The following RB1 variants were observed in gnomAD, a reference collection of about 807,000 sequenced individuals.
RB1 encodes retinoblastoma-associated protein.
In RB1, 18 loss-of-function variants were observed where a neutral mutation model predicts 135.4. That is an observed-to-expected ratio of 0.13 (90% CI 0.09 to 0.20). The LOEUF (loss-of-function observed/expected upper bound fraction) is 0.20. RB1 is among the 10% of genes least tolerant of loss of function. The pLI, the probability that RB1 is intolerant of heterozygous loss-of-function variation, is 1.00. For synonymous variants in RB1, 365 were observed against 373.2 expected (o/e 0.98, Z 0.25); for missense variants, 868 against 1,110.0 (o/e 0.78, Z 3.10).
chr13:48,449,983 T>C (rs991171951), intron 17 of RB1, among the ~76,000 whole-genome samples: 2 of 152,170 alleles, frequency 1.3e-5, no homozygotes, highest in African/African-American at 4.8e-5. Flanking sequence ...TTTTTTCTTG[T>C]AAATTTAAGT....
At chr13:48,445,375 A>C (rs1165153625) in intron 17 of RB1, among the ~76,000 whole-genome samples, 1 of 152,210 alleles carries the variant, frequency 6.6e-6, no homozygotes, top group African/African-American at 2.4e-5. Flanking sequence ...TTCTCTTAGA[A>C]TATTTAAACG....
intron 2 of RB1, chr13:48,318,930 G>A: frequency 4.5e-6 from 5 of 1,102,192 alleles, no homozygotes; most frequent in South Asian, 1.2e-5. Flanking sequence ...CCGTCAGAGC[G>A]GGAAGGCACG....
intron 11 of RB1, among the ~76,000 whole-genome samples, chr13:48,369,598 A>T (rs1489337374): frequency 6.6e-6 from 1 of 151,936 alleles, no homozygotes; most frequent in Non-Finnish European, 1.5e-5. Context: ...TGCCTCTCCA[A>T]CCTCATCTTG....
At chr13:48,444,687 A>G (rs1302199964) in intron 17 of RB1, 1 of 152,332 alleles carries the variant, frequency 6.6e-6, no homozygotes, top group Non-Finnish European at 1.5e-5. Flanking sequence ...TCAGCTATCC[A>G]GAAGCTCTCC....
intron 5 of RB1, 22 bp downstream of exon 5, chr13:48,347,885 AT>A (rs2138091814): frequency 6.4e-7 from 1 of 1,551,726 alleles, no homozygotes; most frequent in Non-Finnish European, 8.9e-7. Context: ...ACAGAATGTT[AT>A]TTTTCACTTA....
At chr13:48,435,785 G>A (rs1169452616) in intron 17 of RB1, among the ~76,000 whole-genome samples, 1 of 152,124 alleles carries the variant, frequency 6.6e-6, no homozygotes, top group Non-Finnish European at 1.5e-5. Flanking sequence ...TGGATGTTCA[G>A]TTGTTTCAGC....
At chr13:48,432,834 A>G (rs1476444199) in intron 17 of RB1, among the ~76,000 whole-genome samples, 3 of 152,308 alleles carry the variant, frequency 2.0e-5, no homozygotes, top group East Asian at 3.9e-4. Context: ...AAAAGCAATT[A>G]TAAGAGACAG....
chr13:48,329,350 A>G (rs547376945), intron 2 of RB1, among the ~76,000 whole-genome samples: 2 of 152,340 alleles, frequency 1.3e-5, no homozygotes, highest in East Asian at 1.9e-4. Context: ...GAAACTGTCT[A>G]CCAAACTTTG....
chr13:48,476,595 A>G, intron 24 of RB1, 106 bp from the exon 25 acceptor site: 1 of 1,181,710 alleles, frequency 8.5e-7, no homozygotes, highest in South Asian at 1.3e-5. Flanking sequence ...AAATGAAGTT[A>G]TTACCTTTGC....
intron 17 of RB1, among the ~76,000 whole-genome samples, chr13:48,395,267 T>G (rs1948638974): frequency 6.6e-6 from 1 of 151,954 alleles, no homozygotes; most frequent in Non-Finnish European, 1.5e-5. Context: ...AGACCAAAGG[T>G]AGATAAATCC....
chr13:48,395,512 A>G (rs1435396450), intron 17 of RB1, among the ~76,000 whole-genome samples: 1 of 152,118 alleles, frequency 6.6e-6, no homozygotes, highest in Admixed American at 6.5e-5. Flanking sequence ...TAACTAGAAT[A>G]ACCAGTTTAG....
intron 23 of RB1, among the ~76,000 whole-genome samples, chr13:48,467,352 A>C (rs1949452869): frequency 7.8e-6 from 1 of 128,706 alleles, no homozygotes; most frequent in South Asian, 3.1e-4. Flanking sequence ...ACAGACAAGC[A>C]AATGCTGAGA....
At chr13:48,402,258 T>C (rs1184021672) in intron 17 of RB1, among the ~76,000 whole-genome samples, 4 of 152,180 alleles carry the variant, frequency 2.6e-5, no homozygotes, top group African/African-American at 9.6e-5. Context: ...TCTGATTTAG[T>C]TGAACCCACA....
Position 48,303,988 on chromosome 13 carries a change from C to T in RB1, c.76C>T (p.Pro26Ser), listed in dbSNP as rs2138027626. 2 of 1,499,010 alleles carry T rather than the reference C, an allele frequency of 1.3e-6. No individual in the cohort carries two copies. The highest frequency in any genetic ancestry group is 1.5e-5 in the African/African-American group (1 of 68,738). The allele number at this position is 1,499,010 out of a possible 1,614,324, so 92.9% of individuals were successfully genotyped here. ...CGCGGAACCCCCGGCACCGCCGCCG[C>T]CGCCCCCTCCTGAGGAGGACCCAGA... is the stretch of plus-strand genomic sequence containing the variant. ...AAAEPPAPPP[P>S]PPPEEDPEQD... is the part of the protein sequence containing the mutation. The change falls in exon 1 of 27, where the codon CCG (proline) becomes TCG (serine). Residue 26 changes from proline to serine, a missense_variant. Transcript: ENST00000267163.
intron 11 of RB1, among the ~76,000 whole-genome samples, chr13:48,371,324 G>A (rs1952755953): frequency 6.6e-6 from 1 of 152,196 alleles, no homozygotes; most frequent in Non-Finnish European, 1.5e-5. Flanking sequence ...TGTCTCAGTG[G>A]TTCTTAACCA....
intron 6 of RB1, among the ~76,000 whole-genome samples, chr13:48,350,891 TC>T (rs1422589482): frequency 1.3e-5 from 2 of 152,192 alleles, no homozygotes; most frequent in Non-Finnish European, 2.9e-5. Flanking sequence ...CCATCCATGT[TC>T]CTGTGAAGGA....
At position 48,358,277 on chromosome 13, in the gene RB1, A is replaced by G. The variant is rs1411623119; in HGVS notation, c.608-1740A>G. ...TGTTGTGATTCTTTTTTGATTTTCT[A>G]TGTTTACATAATCACTGTGCTTTTC... is the stretch of plus-strand genomic sequence containing the variant. On this transcript the variant is annotated intron_variant, in intron 6 of 26. Coordinates refer to ENST00000267163, the MANE Select transcript of RB1 (RefSeq NM_000321.3). 2.0e-5 allele frequency among the ~76,000 whole-genome samples: 3 copies of G among 151,910 alleles called. No individual in the cohort carries two copies. The South Asian group carries it at 6.2e-4, about 31-fold the overall frequency.
intron 9 of RB1, among the ~76,000 whole-genome samples, chr13:48,366,349 C>T (rs1361160916): frequency 6.6e-6 from 1 of 152,042 alleles, no homozygotes; most frequent in African/African-American, 2.4e-5. Context: ...TAATTAGTGC[C>T]TCAACTAAGG....
intron 5 of RB1, among the ~76,000 whole-genome samples, chr13:48,348,726 G>A (rs1952520152): frequency 6.8e-6 from 1 of 147,190 alleles, no homozygotes; most frequent in African/African-American, 2.5e-5. Flanking sequence ...ATACTATTCT[G>A]TGGGCTAAAT....
Sources: gnomAD v4.1 joint callset for allele counts (sites outside exome capture counted in the v4.1 genomes callset) on GRCh38, gnomAD v4.1.1 for gene constraint, MANE v1.5 for transcripts, NCBI Gene and HGNC (gene_info 2026-07-23, HGNC 2026-07-21) for gene names.